Variants in EXD1 observed in about 807,000 individuals in gnomAD.
EXD1 encodes the protein piRNA biogenesis protein EXD1.
Under a neutral mutation model 49.1 loss-of-function variants are expected in EXD1, and 63 were observed. The ratio of observed to expected loss-of-function variants is 1.28; its 90% CI spans 1.05 to 1.58. The LOEUF (loss-of-function observed/expected upper bound fraction) is 1.58, where lower values mean the gene tolerates loss of function less well. Ranked by LOEUF, EXD1 falls within the 40% of genes most tolerant of loss-of-function variation. The pLI is 0.00. For missense variants in EXD1, 748 were observed against 666.0 expected (o/e 1.12, Z -1.36); for synonymous variants, 234 against 239.2 (o/e 0.98, Z 0.20).
chr15:41,207,973 T>C (rs2046859562), intron 7 of EXD1, among the ~76,000 whole-genome samples: 1 of 147,274 alleles, frequency 6.8e-6, no homozygotes, highest in Non-Finnish European at 1.5e-5. Context: ...ATTGTGTCAC[T>C]GCACTCCAGC....
intron 7 of EXD1, among the ~76,000 whole-genome samples, chr15:41,200,098 G>A (rs894994376): frequency 4.0e-5 from 6 of 151,534 alleles, no homozygotes; most frequent in African/African-American, 1.5e-4. Flanking sequence ...TAGAGATAGG[G>A]TTTGTTTCAC....
intron 7 of EXD1, among the ~76,000 whole-genome samples, chr15:41,207,510 A>G (rs1160828863): frequency 1.3e-5 from 2 of 152,070 alleles, no homozygotes; most frequent in Non-Finnish European, 2.9e-5. Flanking sequence ...ACTACACTCC[A>G]GCCTCCAGGC....
At chr15:41,215,482 C>A (rs999934904) in intron 6 of EXD1, among the ~76,000 whole-genome samples, 2 of 151,888 alleles carry the variant, frequency 1.3e-5, no homozygotes, top group African/African-American at 2.4e-5. Flanking sequence ...GTCAGGAGAT[C>A]GAGACCATCC....
chr15:41,222,588 TTA>T (rs1277699416), intron 2 of EXD1, among the ~76,000 whole-genome samples: 2 of 152,252 alleles, frequency 1.3e-5, no homozygotes, highest in Middle Eastern at 3.4e-3. Flanking sequence ...TCACACTCCA[TTA>T]TACCTGTCTA....
chr15:41,183,332 T>G lies in EXD1; in HGVS notation c.*599A>C, dbSNP rs532121191. On this transcript the variant is annotated 3_prime_UTR_variant, in exon 12 of 12. Transcript: ENST00000458580. ...AATTAAATTATTGATTCCTATAACA[T>G]TATTTGCCTAAGAGACAGACAAAAC... The G allele has an allele frequency of 3.4e-4, 51 of 152,232 alleles. No homozygotes were observed. The highest frequency in any genetic ancestry group is 1.2e-3 in the African/African-American group (49 of 41,550). 9.4% of individuals were successfully genotyped at this position (152,232 alleles called of 1,614,324 possible).
chr15:41,191,938 G>T, intron 9 of EXD1: 1 of 186,722 alleles, frequency 5.4e-6, no homozygotes, highest in Non-Finnish European at 1.1e-5. Context: ...TACCACGCCT[G>T]GCTAATTTTC....
intron 11 of EXD1, among the ~76,000 whole-genome samples, chr15:41,188,069 A>T (rs1300160736): frequency 1.3e-5 from 2 of 151,984 alleles, no homozygotes; most frequent in Non-Finnish European, 2.9e-5. Context: ...ATCAATATTC[A>T]TAAGTAAAAG....
At chr15:41,225,916 A>C (rs567647344) in intron 2 of EXD1, among the ~76,000 whole-genome samples, 3 of 110,098 alleles carry the variant, frequency 2.7e-5, no homozygotes, top group African/African-American at 1.2e-4. Context: ...CAAAACAAAA[A>C]AAACCTTTTT....
At chr15:41,187,609 A>G (rs1177131774) in intron 11 of EXD1, among the ~76,000 whole-genome samples, 1 of 152,160 alleles carries the variant, frequency 6.6e-6, no homozygotes, top group Non-Finnish European at 1.5e-5. Flanking sequence ...AGATAATCAT[A>G]ACACTTTCTT....
chr15:41,221,311 G>A (rs2047085214), intron 2 of EXD1, among the ~76,000 whole-genome samples: 1 of 152,128 alleles, frequency 6.6e-6, no homozygotes, highest in Non-Finnish European at 1.5e-5. Flanking sequence ...TTACTCTGTT[G>A]CACAGGCTAG....
At chr15:41,223,393 C>A (rs1423235192) in intron 2 of EXD1, among the ~76,000 whole-genome samples, 2 of 151,790 alleles carry the variant, frequency 1.3e-5, no homozygotes, top group East Asian at 1.9e-4. Flanking sequence ...GCACTCCAGG[C>A]TGAATGACAG....
chr15:41,183,389 A>G lies in EXD1; in HGVS notation c.*542T>C, dbSNP rs959176991. The G allele has an allele frequency of 6.6e-6, 1 of 152,202 alleles. No homozygotes were observed. Among genetic ancestry groups the G allele is most frequent in the Non-Finnish European group, 1.5e-5 (1 of 68,052 alleles). The allele number at this position is 152,202 out of a possible 1,614,324, so 9.4% of individuals were successfully genotyped here. A position where few individuals can be genotyped will look rare whatever the true frequency, so the allele number is the denominator to read the frequency against. ...CATTCAAACATAAAGTTAATATTAT[A>G]TTTTAAAAAGGAAAAAAGTGGTTAC... is the stretch of plus-strand genomic sequence containing the variant. On this transcript the variant is annotated 3_prime_UTR_variant, in exon 12 of 12. Coordinates refer to ENST00000458580, the MANE Select transcript of EXD1 (RefSeq NM_001286441.2).
chr15:41,226,394 A>T, intron 2 of EXD1, 49 bp downstream of exon 2: 1 of 1,514,832 alleles, frequency 6.6e-7, no homozygotes, highest in Non-Finnish European at 8.8e-7. Flanking sequence ...ACTGAAAGTC[A>T]ATCACTAATC....
At chr15:41,222,087 G>A (rs1019196402) in intron 2 of EXD1, among the ~76,000 whole-genome samples, 1 of 151,734 alleles carries the variant, frequency 6.6e-6, no homozygotes, top group Admixed American at 6.6e-5. Flanking sequence ...GCGACAGAGT[G>A]AGACTCCGTC....
chr15:41,195,681 TAA>T (rs1485731387), intron 9 of EXD1, 92 bp downstream of exon 9: 6 of 887,162 alleles, frequency 6.8e-6, no homozygotes, highest in African/African-American at 5.3e-5. Context: ...AAAAAAAAAT[TAA>T]AAAGACTTTC....
chr15:41,220,718 C>G (rs1307275431), intron 2 of EXD1, among the ~76,000 whole-genome samples: 1 of 152,140 alleles, frequency 6.6e-6, no homozygotes, highest in Non-Finnish European at 1.5e-5. Flanking sequence ...TGTCATTTTC[C>G]TAGATGGAAG....
intron 7 of EXD1, among the ~76,000 whole-genome samples, chr15:41,197,521 G>A (rs887117993): frequency 4.6e-5 from 7 of 151,338 alleles, no homozygotes; most frequent in African/African-American, 1.2e-4. Context: ...GAGCCACCAC[G>A]CCCGGCCAAT....
At chr15:41,229,560 G>A (rs771138267) in intron 1 of EXD1, among the ~76,000 whole-genome samples, 2 of 152,082 alleles carry the variant, frequency 1.3e-5, no homozygotes, top group Non-Finnish European at 2.9e-5. Context: ...CCTGAGATAC[G>A]GAGTTCGAGA....
intron 3 of EXD1, among the ~76,000 whole-genome samples, chr15:41,218,525 C>A (rs1033370400): frequency 6.6e-6 from 1 of 151,094 alleles, no homozygotes; most frequent in African/African-American, 2.4e-5. Context: ...AAGGCCAAAC[C>A]CTGGAGAAGA....
Sources: gnomAD v4.1 joint callset for allele counts (sites outside exome capture counted in the v4.1 genomes callset) on GRCh38, gnomAD v4.1.1 for gene constraint, MANE v1.5 for transcripts, NCBI Gene and HGNC (gene_info 2026-07-23, HGNC 2026-07-21) for gene names.